AMOTL1: variants seen among roughly 807,000 people sequenced by gnomAD.
The protein encoded by AMOTL1 is angiomotin like 1.
In AMOTL1, 45 loss-of-function variants were observed where a neutral mutation model predicts 102.9. That is an observed-to-expected ratio of 0.44 (90% CI 0.34 to 0.56). AMOTL1 has a LOEUF of 0.56. Among genes scored for constraint, AMOTL1 ranks in the 20% least tolerant of loss-of-function variants. AMOTL1 has a pLI of 0.01. For missense variants in AMOTL1, 1,114 were observed against 1,225.6 expected (o/e 0.91, Z 1.36); for synonymous variants, 481 against 484.7 (o/e 0.99, Z 0.10).
chr11:94,757,627 T>A (rs763065347), intron 3 of AMOTL1, among the ~76,000 whole-genome samples: 81 of 152,166 alleles, frequency 5.3e-4, no homozygotes, highest in Non-Finnish European at 7.1e-4. Flanking sequence ...TTCAGGCCAC[T>A]AAGAGTCCCC....
chr11:94,745,848 T>C (rs1264220049), intron 3 of AMOTL1, among the ~76,000 whole-genome samples: 1 of 152,172 alleles, frequency 6.6e-6, no homozygotes, highest in Non-Finnish European at 1.5e-5. Context: ...AATCAAGCGG[T>C]TTTTATTTCT....
chr11:94,771,258 T>A (rs1591948727), intron 1 of AMOTL1, among the ~76,000 whole-genome samples: 1 of 18,904 alleles, frequency 5.3e-5, no homozygotes, highest in African/African-American at 1.1e-4. Flanking sequence ...TTTGGCGGGG[T>A]TGGGGGGGGG....
intron 1 of AMOTL1, among the ~76,000 whole-genome samples, chr11:94,769,683 C>T (rs1950916883): frequency 6.6e-6 from 1 of 152,188 alleles, no homozygotes; most frequent in Non-Finnish European, 1.5e-5. Flanking sequence ...ATCACCTGGA[C>T]TGGGGTTTCA....
chr11:94,834,508 C>T (rs562789792), intron 6 of AMOTL1, among the ~76,000 whole-genome samples: 3 of 152,132 alleles, frequency 2.0e-5, no homozygotes, highest in East Asian at 1.9e-4. Context: ...AGAAGAATGG[C>T]GTGAACCCGG....
intron 1 of AMOTL1, among the ~76,000 whole-genome samples, chr11:94,782,842 A>T (rs1381888244): frequency 6.6e-6 from 1 of 152,254 alleles, no homozygotes; most frequent in Admixed American, 6.5e-5. Flanking sequence ...CAGCTGTCTT[A>T]TATTAAGCAA....
Position 94,871,832 on chromosome 11 carries a change from C to T in AMOTL1, c.*1037C>T, listed in dbSNP as rs1292956311. On this transcript the variant is annotated 3_prime_UTR_variant, in exon 13 of 13. Transcript: ENST00000433060. The stretch of plus-strand genomic sequence containing the variant: ...AGCTTGACATTTCCAAATTCCATTG[C>T]TCTGTTTGGGGAAGACTTAGGACAG... 1 of 152,104 alleles carries T rather than the reference C, an allele frequency of 6.6e-6. No individual in the cohort carries two copies. 9.4% of individuals were successfully genotyped at this position (152,104 alleles called of 1,614,324 possible).
chr11:94,749,045 G>A (rs1305666303), intron 3 of AMOTL1, among the ~76,000 whole-genome samples: 2 of 152,220 alleles, frequency 1.3e-5, no homozygotes. Flanking sequence ...AGTTGGATGA[G>A]AGGGAATTTA....
At chr11:94,865,695 C>T (rs1408068158) in intron 10 of AMOTL1, among the ~76,000 whole-genome samples, 1 of 152,188 alleles carries the variant, frequency 6.6e-6, no homozygotes, top group Non-Finnish European at 1.5e-5. Flanking sequence ...AATGTGGCCA[C>T]GGTCATTCTA....
intron 2 of AMOTL1, among the ~76,000 whole-genome samples, chr11:94,738,257 T>C (rs565126879): frequency 1.8e-4 from 14 of 77,128 alleles, no homozygotes; most frequent in African/African-American, 4.9e-4. Flanking sequence ...CATAATTTTG[T>C]GCTTTTTTTT....
chr11:94,840,683 C>T (rs113277224), intron 6 of AMOTL1, among the ~76,000 whole-genome samples: 12,218 of 89,476 alleles, frequency 0.14, 589 homozygotes, highest in Admixed American at 0.21. Flanking sequence ...TATATATATA[C>T]ACACACACAC....
chr11:94,785,645 T>C (rs1951175018), intron 1 of AMOTL1, among the ~76,000 whole-genome samples: 1 of 152,174 alleles, frequency 6.6e-6, no homozygotes, highest in Admixed American at 6.5e-5. Flanking sequence ...AGAGTCCCAG[T>C]CCCTGTGGGA....
At chr11:94,788,506 A>G (rs769861101) in intron 1 of AMOTL1, among the ~76,000 whole-genome samples, 25 of 152,090 alleles carry the variant, frequency 1.6e-4, no homozygotes, top group Non-Finnish European at 2.5e-4. Flanking sequence ...CTCCGGTTCA[A>G]TTTCAGCCCA....
At chr11:94,767,666 A>G (rs894261419), upstream of AMOTL1, among the ~76,000 whole-genome samples, 1 of 152,230 alleles carries the variant, frequency 6.6e-6, no homozygotes, top group African/African-American at 2.4e-5. Flanking sequence ...ATAAACCAAT[A>G]TAATGAGGTG....
intron 1 of AMOTL1, among the ~76,000 whole-genome samples, chr11:94,786,484 T>C (rs1442516313): frequency 6.6e-6 from 1 of 152,214 alleles, no homozygotes; most frequent in Non-Finnish European, 1.5e-5. Context: ...GACCTGCCTG[T>C]GGGGGCTGAG....
intron 1 of AMOTL1, among the ~76,000 whole-genome samples, chr11:94,711,330 CTA>C (rs1238898462): frequency 1.3e-5 from 2 of 152,074 alleles, no homozygotes; most frequent in Non-Finnish European, 2.9e-5. Flanking sequence ...ATTCATGAGT[CTA>C]TGAGTGCCCC....
At chr11:94,725,702 A>G (rs1163222353) in intron 1 of AMOTL1, among the ~76,000 whole-genome samples, 1 of 152,154 alleles carries the variant, frequency 6.6e-6, no homozygotes, top group Non-Finnish European at 1.5e-5. Context: ...AGTTAGCAAG[A>G]TGAAGAGGGT....
In AMOTL1 at chr11:94,866,116, C is replaced by A. The variant is rs1300654427; in HGVS notation, c.2436C>A (p.Ser812Arg). Residue 812 changes from serine to arginine, a missense_variant, in exon 11 of 13, where the codon AGC becomes AGA. By Grantham distance (110) the Ser-to-Arg change is moderately radical. Transcript: ENST00000433060. ...GTHSRQTSLT[S>R]SQLAEEKKEE... ...ACTCTCGCCAGACCTCTCTTACCAGCAGCCAGCTGGCTGAGGAAAAGAAGG... is the reference window on the plus strand; with the variant it reads ...ACTCTCGCCAGACCTCTCTTACCAGAAGCCAGCTGGCTGAGGAAAAGAAGG... 1 of 1,614,028 alleles carries A rather than the reference C, an allele frequency of 6.2e-7. No individual in the cohort carries two copies. The highest frequency in any genetic ancestry group is 1.7e-5 in the Admixed American group (1 of 60,020).
upstream of AMOTL1, chr11:94,768,183 A>G (rs1180601234): frequency 4.9e-6 from 4 of 824,470 alleles, no homozygotes; most frequent in African/African-American, 1.9e-5. Context: ...GCTCTGGGCA[A>G]TTTCAGCCTG....
At chr11:94,863,387 GT>G (rs1952813659) in intron 9 of AMOTL1, among the ~76,000 whole-genome samples, 1 of 152,042 alleles carries the variant, frequency 6.6e-6, no homozygotes, top group South Asian at 2.1e-4. Flanking sequence ...GAGGTCAGGA[GT>G]TTGAGACCAG....
Sources: allele counts gnomAD v4.1 joint callset (sites outside exome capture counted in the v4.1 genomes callset), GRCh38; gene constraint gnomAD v4.1.1; transcripts MANE v1.5; gene names NCBI Gene and HGNC (gene_info 2026-07-23, HGNC 2026-07-21).